The following KAZN variants were observed in gnomAD, a reference collection of about 807,000 sequenced individuals.
KAZN encodes the protein kazrin.
A neutral mutation model predicts 87.4 loss-of-function variants in KAZN; 40 were observed. The ratio of observed to expected loss-of-function variants is 0.46; its 90% confidence interval spans 0.36 to 0.60. The LOEUF (loss-of-function observed/expected upper bound fraction) is 0.60, where lower values mean the gene tolerates loss of function less well. Ranked by LOEUF, KAZN falls within the 20% of genes least tolerant of loss-of-function variation. KAZN has a pLI of 0.00. For synonymous variants in KAZN, 466 were observed against 458.3 expected, an observed-to-expected ratio of 1.02 and a Z score of -0.22; for missense variants, 898 against 1,073.9, an observed-to-expected ratio of 0.84 and a Z score of 2.29.
Position 14,381,810 on chromosome 1 carries a change from T to G in KAZN, c.249+201218T>G, listed in dbSNP as rs569850459. ...TCACCACTGTTATTCAAAATAGTAC[T>G]GGAAGTTATAGTTAGAGCAACCAGA... On this transcript the variant is annotated intron_variant, in intron 2 of 16. Transcript: ENST00000636203. Among the ~76,000 whole-genome samples, 4 of 152,244 alleles carry G rather than the reference T, an allele frequency of 2.6e-5. No homozygotes were observed. In the South Asian group the frequency reaches 8.3e-4, roughly 32 times the overall value.
chr1:14,153,547 G>T (rs1203726788), intron 1 of KAZN, among the ~76,000 whole-genome samples: 1 of 152,130 alleles, frequency 6.6e-6, no homozygotes, highest in Non-Finnish European at 1.5e-5. Flanking sequence ...GGCTGAGGCA[G>T]GCGGATCACC....
intron 2 of KAZN, among the ~76,000 whole-genome samples, chr1:14,329,473 GA>G (rs892273693): frequency 2.6e-4 from 40 of 152,196 alleles, no homozygotes; most frequent in African/African-American, 8.9e-4. Flanking sequence ...TTCATAGGAA[GA>G]AACATTGAAT....
intron 8 of KAZN, among the ~76,000 whole-genome samples, chr1:15,071,465 G>A (rs1282711084): frequency 6.6e-6 from 1 of 152,120 alleles, no homozygotes; most frequent in Non-Finnish European, 1.5e-5. Context: ...ATGTTGGCCA[G>A]GCTGATTTTG....
intron 2 of KAZN, among the ~76,000 whole-genome samples, chr1:14,469,643 AT>A (rs1345911656): frequency 6.6e-6 from 1 of 152,218 alleles, no homozygotes; most frequent in East Asian, 1.9e-4. Context: ...CAGGATGGCA[AT>A]AATGAATTTT....
chr1:14,324,670 A>T (rs964110559), intron 2 of KAZN, among the ~76,000 whole-genome samples: 1 of 152,174 alleles, frequency 6.6e-6, no homozygotes, highest in African/African-American at 2.4e-5. Context: ...AAGGGGGGGA[A>T]GTACTTGAAA....
chr1:14,901,050 C>T (rs1655827026), intron 1 of KAZN, among the ~76,000 whole-genome samples: 1 of 152,222 alleles, frequency 6.6e-6, no homozygotes, highest in Non-Finnish European at 1.5e-5. Flanking sequence ...GGCCCCTGTC[C>T]TCAGGGAGCT....
intron 1 of KAZN, among the ~76,000 whole-genome samples, chr1:14,720,577 C>T (rs754003945): frequency 2.0e-5 from 3 of 152,218 alleles, no homozygotes; most frequent in Non-Finnish European, 4.4e-5. Context: ...TTTCCTGCCT[C>T]ATATTCTTGC....
chr1:14,905,852 AATAAT>A (rs1431823449), intron 1 of KAZN, among the ~76,000 whole-genome samples: 3 of 83,952 alleles, frequency 3.6e-5, no homozygotes, highest in African/African-American at 2.1e-4. Flanking sequence ...CAAAAATAAT[AATAAT>A]AATAATAATA....
Position 14,735,141 on chromosome 1 carries a change from G to GCTCCGCCTCCCGGGTTCA in KAZN, c.226+135923_226+135940dup, listed in dbSNP as rs1643862831. Reference sequence around the variant, plus strand: ...GTGGCGCTATCTCGGCTCACTGCGAGCTCCGCCTCCCGGGTTCACTCCATT... The same window carrying GCTCCGCCTCCCGGGTTCA: ...GTGGCGCTATCTCGGCTCACTGCGAGCTCCGCCTCCCGGGTTCACTCCGCCTCCCGGGTTCACTCCATT... On this transcript the variant is annotated intron_variant, in intron 1 of 14. Transcript: ENST00000376030. The surrounding 1 kb of genome is among the most constrained non-coding windows in gnomAD (Gnocchi z 4.3). Among the ~76,000 whole-genome samples the GCTCCGCCTCCCGGGTTCA allele has an allele frequency of 6.6e-6, 1 of 152,126 alleles. No homozygotes were observed. Among genetic ancestry groups the GCTCCGCCTCCCGGGTTCA allele is most frequent in the Admixed American group, 6.5e-5 (1 of 15,280 alleles).
intron 2 of KAZN, among the ~76,000 whole-genome samples, chr1:14,477,694 C>A (rs1488091358): frequency 6.6e-6 from 1 of 152,048 alleles, no homozygotes; most frequent in African/African-American, 2.4e-5. Context: ...AGAGTCCCTG[C>A]CACTTCCAAA....
At chr1:14,182,161 T>G (rs911870858) in intron 2 of KAZN, among the ~76,000 whole-genome samples, 6 of 152,180 alleles carry the variant, frequency 3.9e-5, no homozygotes, top group African/African-American at 1.4e-4. Context: ...GAATATTTTC[T>G]TATCATATTT....
At chr1:14,071,797 G>T (rs1464515683) in intron 1 of KAZN, among the ~76,000 whole-genome samples, 1 of 152,210 alleles carries the variant, frequency 6.6e-6, no homozygotes, top group Non-Finnish European at 1.5e-5. Context: ...AGAAATACTT[G>T]TGGTGAGGGA....
intron 2 of KAZN, among the ~76,000 whole-genome samples, chr1:14,270,449 G>A (rs894550723): frequency 6.6e-6 from 1 of 152,170 alleles, no homozygotes; most frequent in Non-Finnish European, 1.5e-5. Flanking sequence ...ACATCTCTGA[G>A]CTTTAGTTTC....
chr1:14,460,959 A>G (rs1032514238), intron 2 of KAZN, among the ~76,000 whole-genome samples: 1 of 152,170 alleles, frequency 6.6e-6, no homozygotes, highest in African/African-American at 2.4e-5. Flanking sequence ...CATGCTAAGG[A>G]CAGAGGCCAG....
At chr1:14,728,869 G>T (rs917306245) in intron 1 of KAZN, among the ~76,000 whole-genome samples, 45 of 152,180 alleles carry the variant, frequency 3.0e-4, no homozygotes, top group Non-Finnish European at 6.3e-4. Flanking sequence ...TCTTGGCAAG[G>T]ATTAGATGAG....
intron 1 of KAZN, among the ~76,000 whole-genome samples, chr1:14,155,137 A>C (rs1032424268): frequency 3.2e-4 from 49 of 152,318 alleles, no homozygotes; most frequent in African/African-American, 1.2e-3. Flanking sequence ...TGTTTGATAG[A>C]ATTCAGCAGT....
chr1:14,957,634 T>G (rs770681759), intron 1 of KAZN, among the ~76,000 whole-genome samples: 1 of 152,148 alleles, frequency 6.6e-6, no homozygotes, highest in African/African-American at 2.4e-5. Context: ...CTCTTGAGGC[T>G]GTGACAGTGA....
chr1:14,647,059 T>C (rs1316191332), intron 1 of KAZN, among the ~76,000 whole-genome samples: 1 of 152,196 alleles, frequency 6.6e-6, no homozygotes, highest in Non-Finnish European at 1.5e-5. Context: ...CAGGCAGTTA[T>C]TGGTTCCAAC....
chr1:14,394,926 T>C (rs1662767893), intron 2 of KAZN, among the ~76,000 whole-genome samples: 1 of 152,182 alleles, frequency 6.6e-6, no homozygotes, highest in Non-Finnish European at 1.5e-5. Context: ...ACTCAGGAGC[T>C]TCTGTTCAGT....
Sources: gnomAD v4.1 joint callset for allele counts (sites outside exome capture counted in the v4.1 genomes callset) on GRCh38, gnomAD v4.1.1 for gene constraint, Gnocchi (gnomAD v3.1) non-coding constraint, MANE v1.5 for transcripts, NCBI Gene and HGNC (gene_info 2026-07-23, HGNC 2026-07-21) for gene names.